Variants in LIN28A observed in about 807,000 individuals in gnomAD.
LIN28A encodes lin-28 RNA binding posttranscriptional regulator A.
LIN28A carries 11 observed loss-of-function variants against 21.1 expected under a neutral mutation model. The observed-to-expected ratio is 0.52, with a 90% confidence interval of 0.33 to 0.86. The LOEUF is 0.86. Among genes scored for constraint, LIN28A ranks in the 40% least tolerant of loss-of-function variants. The pLI, the probability that LIN28A is intolerant of heterozygous loss-of-function variation, is 0.03. For synonymous variants in LIN28A, 111 were observed against 108.7 expected (o/e 1.02, Z -0.13); for missense variants, 219 against 279.8 (o/e 0.78, Z 1.55).
rs769630938 is a variant in LIN28A at position 26,426,373 on chromosome 1, C to T, written c.545C>T (p.Pro182Leu). The T allele has an allele frequency of 6.2e-7, 1 of 1,614,146 alleles. No homozygotes were observed. The highest frequency in any genetic ancestry group is 2.2e-5 in the East Asian group (1 of 44,892). The change falls in exon 4 of 4, where the codon CCT becomes CTT. Residue 182 changes from proline (P) to leucine (L), a missense_variant. Physicochemically the swap from Pro to Leu is moderately conservative, Grantham distance 98 (BLOSUM62 -3). Around this residue, in one of 3 missense-constraint regions of LIN28A, gnomAD observed 45 missense variants for 37.7 expected, o/e 1.19. Coordinates refer to ENST00000326279, the MANE Select transcript of LIN28A (RefSeq NM_024674.6). ...ASCPLKAQQG[P>L]SAQGKPTYFR... ...TGTCCGCTGAAGGCCCAGCAGGGCC[C>T]TAGTGCACAGGGAAAGCCAACCTAC...
chr1:26,415,154 A>G (rs946839509), intron 2 of LIN28A, among the ~76,000 whole-genome samples: 1 of 152,204 alleles, frequency 6.6e-6, no homozygotes, highest in African/African-American at 2.4e-5. Context: ...GCTATATTAG[A>G]AGACTTGGAG....
intron 2 of LIN28A, among the ~76,000 whole-genome samples, chr1:26,420,021 G>A (rs1006762808): frequency 2.6e-5 from 4 of 152,136 alleles, no homozygotes; most frequent in Admixed American, 6.5e-5. Flanking sequence ...GCAGTGGCGC[G>A]ATCTCAGCTC....
rs2075067409 is a variant in LIN28A, at chr1:26,427,573, G to T, written c.*1115G>T. The T allele has an allele frequency of 6.6e-6, 1 of 152,514 alleles. No homozygotes were observed. Among genetic ancestry groups the T allele is most frequent in the African/African-American group, 2.4e-5 (1 of 41,456 alleles). The allele number at this position is 152,514 out of a possible 1,614,324, so 9.4% of individuals were successfully genotyped here. A position where few individuals can be genotyped will look rare whatever the true frequency, so the allele number is the denominator to read the frequency against. On this transcript the variant is annotated 3_prime_UTR_variant, in exon 4 of 4. Coordinates refer to ENST00000326279, the MANE Select transcript of LIN28A (RefSeq NM_024674.6). ...GGCTGGGCCCGGTGAAAAGGCCAGA[G>T]AGCAAGCCAAGATTAGGTGAGGGTT...
chr1:26,415,045 A>G (rs1379257919), intron 2 of LIN28A, among the ~76,000 whole-genome samples: 2 of 152,174 alleles, frequency 1.3e-5, no homozygotes, highest in Admixed American at 1.3e-4. Context: ...GATTTATAGA[A>G]ATTTGGAAAT....
intron 2 of LIN28A, among the ~76,000 whole-genome samples, chr1:26,424,287 C>G (rs2124303073): frequency 6.6e-6 from 1 of 152,136 alleles, no homozygotes; most frequent in South Asian, 2.1e-4. Context: ...CTCTGTCAAC[C>G]AGGCTAGAGT....
At chr1:26,414,252 C>T (rs2074980368) in intron 2 of LIN28A, among the ~76,000 whole-genome samples, 2 of 152,024 alleles carry the variant, frequency 1.3e-5, no homozygotes, top group South Asian at 4.1e-4. Flanking sequence ...AAATCTTTAA[C>T]AAAACTTCCC....
chr1:26,427,451 T>C lies in LIN28A; in HGVS notation c.*993T>C, dbSNP rs3811463. ...GCCTTGAAAATGTTTTATGGGAGAC[T>C]AGGTTTTAACTGGGTGGCCCCATGA... is the stretch of plus-strand genomic sequence containing the variant. On this transcript the variant is annotated 3_prime_UTR_variant, in exon 4 of 4. Coordinates refer to ENST00000326279, the MANE Select transcript of LIN28A (RefSeq NM_024674.6). 0.44 allele frequency: 66,863 copies of C among 152,562 alleles called. 16,176 individuals are homozygous for C. Among genetic ancestry groups the C allele is most frequent in the Admixed American group, 0.54 (8,271 of 15,276 alleles). The allele number at this position is 152,562 out of a possible 1,614,324, so 9.5% of individuals were successfully genotyped here.
intron 2 of LIN28A, among the ~76,000 whole-genome samples, chr1:26,413,024 T>G (rs1426910937): frequency 6.6e-6 from 1 of 152,180 alleles, no homozygotes; most frequent in Non-Finnish European, 1.5e-5. Flanking sequence ...CTGTCTCATT[T>G]ACATATGTGA....
chr1:26,425,411 G>C lies in LIN28A; in HGVS notation c.337G>C (p.Gly113Arg). 6.2e-7 allele frequency: 1 copy of C among 1,614,200 alleles called. No homozygotes were observed. The highest frequency in any genetic ancestry group is 8.5e-7 in the Non-Finnish European group (1 of 1,180,032). The change falls in exon 3 of 4, where the codon GGT becomes CGT. Residue 113 changes from glycine to arginine, a missense_variant. This residue lies in a region of LIN28A where 124 missense variants were observed against 193.1 expected (regional missense o/e 0.64). Transcript: ENST00000326279. The stretch of plus-strand genomic sequence containing the variant: ...GGAATCCATCCGTGTCACCGGACCT[G>C]GTGGAGTATTCTGTATTGGGAGTGA... Reference protein sequence around the residue: ...GLESIRVTGPGGVFCIGSERR... With the variant: ...GLESIRVTGPRGVFCIGSERR...
At position 26,411,375 on chromosome 1, in the gene LIN28A, CCTCT is replaced by C; in HGVS notation, c.32-7_32-4del. On this transcript the variant is annotated splice_region_variant and splice_polypyrimidine_tract_variant and intron_variant, in intron 1 of 3. Coordinates refer to ENST00000326279, the MANE Select transcript of LIN28A (RefSeq NM_024674.6). The surrounding 1 kb of genome is among the most constrained non-coding windows in gnomAD (Gnocchi z 5.4). ...CCCCCCAGCTAAGTGCCCGGCCCTC[CCTCT>C]CTCCAGGTGGCTGCGCCAAGGCGGC... 1 of 1,570,896 alleles carries C rather than the reference CCTCT, an allele frequency of 6.4e-7. No homozygotes were observed. The highest frequency in any genetic ancestry group is 8.6e-7 in the Non-Finnish European group (1 of 1,162,802).
chr1:26,417,017 C>T (rs112439877), intron 2 of LIN28A, among the ~76,000 whole-genome samples: 9 of 120,986 alleles, frequency 7.4e-5, no homozygotes, highest in African/African-American at 2.8e-4. Flanking sequence ...ACCTTTCATT[C>T]TTATCCCTGA....
intron 3 of LIN28A, 55 bp downstream of exon 3, chr1:26,425,542 A>G (rs533385608): frequency 4.6e-6 from 7 of 1,521,576 alleles, no homozygotes; most frequent in Middle Eastern, 3.5e-4. Context: ...CAGTCTCCCA[A>G]TCCTGTCACT....
chr1:26,425,397 G>T lies in LIN28A; in HGVS notation c.323G>T (p.Arg108Leu). The change falls in exon 3 of 4, where the codon CGT becomes CTT. Residue 108 changes from arginine (R) to leucine (L), a missense_variant. Transcript: ENST00000326279. ...TCAGCCAAGGGTCTGGAATCCATCC[G>T]TGTCACCGGACCTGGTGGAGTATTC... ...KKSAKGLESI[R>L]VTGPGGVFCI... The T allele has an allele frequency of 2.5e-6, 4 of 1,614,196 alleles. No individual in the cohort carries two copies. The South Asian group carries it at 4.4e-5, about 18-fold the overall frequency.
In LIN28A at chr1:26,426,898, G is replaced by GT. The variant is rs901828873; in HGVS notation, c.*449dup. The GT allele has an allele frequency of 9.6e-4, 170 of 176,172 alleles. No homozygotes were observed. Among genetic ancestry groups the GT allele is most frequent in the South Asian group, 3.7e-3 (29 of 7,748 alleles). The allele number at this position is 176,172 out of a possible 1,614,324, so 10.9% of individuals were successfully genotyped here. A position where few individuals can be genotyped will look rare whatever the true frequency, so the allele number is the denominator to read the frequency against. On this transcript the variant is annotated 3_prime_UTR_variant, in exon 4 of 4. Coordinates refer to ENST00000326279, the MANE Select transcript of LIN28A (RefSeq NM_024674.6). Reference sequence around the variant, plus strand: ...AGGAGATCTCTCAGGAGTAAGCATTGTTTTTTTTTCACATCTTGTATCCTC... The same window carrying GT: ...AGGAGATCTCTCAGGAGTAAGCATTGTTTTTTTTTTCACATCTTGTATCCTC...
chr1:26,416,532 T>C (rs1204444486), intron 2 of LIN28A, among the ~76,000 whole-genome samples: 1 of 152,178 alleles, frequency 6.6e-6, no homozygotes, highest in African/African-American at 2.4e-5. Flanking sequence ...TAGCAACCAC[T>C]GGCCACATAG....
rs193151473 is a variant in LIN28A at position 26,426,605 on chromosome 1, C to T, written c.*147C>T. On this transcript the variant is annotated 3_prime_UTR_variant, in exon 4 of 4. Transcript: ENST00000326279. ...TTCACACCATCACCCTTTCTTCCCT[C>T]TAGGTGGGGGGAAAGGGTGAGTCAA... The T allele has an allele frequency of 1.4e-5, 9 of 659,676 alleles. No homozygotes were observed. The African/African-American group carries it at 1.5e-4, about 11-fold the overall frequency. The allele number at this position is 659,676 out of a possible 1,614,324, so 40.9% of individuals were successfully genotyped here. A position where few individuals can be genotyped will look rare whatever the true frequency, so the allele number is the denominator to read the frequency against.
chr1:26,410,828 G>C lies in LIN28A; in HGVS notation c.-64G>C, dbSNP rs1203659667. ...TTCTCCGAACCAACCCTTTGCCTTC[G>C]GACTTCTCCGGGGCCAGCAGCCGCC... On this transcript the variant is annotated 5_prime_UTR_variant, in exon 1 of 4. Coordinates refer to ENST00000326279, the MANE Select transcript of LIN28A (RefSeq NM_024674.6). 7 of 1,576,268 alleles carry C rather than the reference G, an allele frequency of 4.4e-6. No homozygotes were observed. Among genetic ancestry groups the C allele is most frequent in the Admixed American group, 1.7e-5 (1 of 59,484 alleles).
Position 26,411,598 on chromosome 1 carries a change from G to A in LIN28A, c.228+16G>A, listed in dbSNP as rs780623692. ...TGTGCACCAGGTGAGACTGATTCCG[G>A]TAACTTTGCCCAGGGAAGGGCGTCT... On this transcript the variant is annotated intron_variant, in intron 2 of 3. Transcript: ENST00000326279. The surrounding 1 kb of genome is among the most constrained non-coding windows in gnomAD (Gnocchi z 5.4). 3.7e-6 allele frequency: 6 copies of A among 1,606,824 alleles called. No homozygotes were observed. The highest frequency in any genetic ancestry group is 5.1e-6 in the Non-Finnish European group (6 of 1,178,014).
intron 2 of LIN28A, among the ~76,000 whole-genome samples, chr1:26,412,841 C>G (rs556915179): frequency 6.6e-6 from 1 of 152,046 alleles, no homozygotes; most frequent in Non-Finnish European, 1.5e-5. Flanking sequence ...GGGAAATAGA[C>G]GCAGGGAGAT....
Sources: allele counts gnomAD v4.1 joint callset (sites outside exome capture counted in the v4.1 genomes callset), GRCh38; gene constraint gnomAD v4.1.1; regional missense constraint gnomAD v4.1.1; non-coding constraint Gnocchi (gnomAD v3.1); transcripts MANE v1.5; gene names NCBI Gene and HGNC (gene_info 2026-07-23, HGNC 2026-07-21).